The following KIF9 variants were observed in gnomAD, a reference collection of about 807,000 sequenced individuals.
KIF9 encodes the protein kinesin family member 9.
Under a neutral mutation model 94.8 loss-of-function variants are expected in KIF9, and 68 were observed. The ratio of observed to expected loss-of-function variants is 0.72; its 90% CI spans 0.59 to 0.88. KIF9 has a LOEUF of 0.88. Among genes scored for constraint, KIF9 ranks in the 40% least tolerant of loss-of-function variants. The pLI, the probability that KIF9 is intolerant of heterozygous loss-of-function variation, is 0.00. For missense variants in KIF9, 882 were observed against 982.5 expected, an observed-to-expected ratio of 0.90 and a Z score of 1.37; for synonymous variants, 343 against 362.1, an observed-to-expected ratio of 0.95 and a Z score of 0.60.
chr3:47,228,772 C>T, intron 20 of KIF9, 70 bp from the exon 21 acceptor site: 1 of 1,216,036 alleles, frequency 8.2e-7, no homozygotes, highest in Non-Finnish European at 1.2e-6. Flanking sequence ...TCAGACCAGG[C>T]CACTCACATT....
rs372157611 is a variant in KIF9, at chr3:47,247,433, C to G, written c.1173G>C (p.Gln391His). The part of the protein sequence containing the change: ...FVTYDPMDEI[Q>H]IAEINSQVRR... ...GCACCTGGGAGTTGATCTCAGCAAT[C>G]TGGATTTCATCCATGGGGTCATAGG... Residue 391 changes from glutamine (Q) to histidine (H), a missense_variant, in exon 12 of 21, where the codon CAG becomes CAC. Coordinates refer to ENST00000684063, the MANE Select transcript of KIF9 (RefSeq NM_182902.4). 1.9e-6 allele frequency: 3 copies of G among 1,613,986 alleles called. No homozygotes were observed. The highest frequency in any genetic ancestry group is 4.5e-5 in the East Asian group (2 of 44,876).
In KIF9 at chr3:47,231,404, CTTTTTTTTTTTTTT is replaced by C. The variant is rs34079988; in HGVS notation, c.2323-2716_2323-2703del. Among the ~76,000 whole-genome samples the C allele has an allele frequency of 4.7e-3, 379 of 79,804 alleles. 3 individuals carry two copies. The highest frequency in any genetic ancestry group is 0.02 in the African/African-American group (364 of 17,906). The allele number at this position is 79,804 out of a possible 152,430, so 52.4% of individuals were successfully genotyped here. A position where few individuals can be genotyped will look rare whatever the true frequency, so the allele number is the denominator to read the frequency against. On this transcript the variant is annotated intron_variant, in intron 20 of 20. Transcript: ENST00000684063. ...GAATCTCAGGCTCCATCAGTATCTA[CTTTTTTTTTTTTTT>C]TTTTTTTTTTTTTAGACAGTTTCTC...
At chr3:47,238,836 T>G (rs1699249874) in intron 17 of KIF9, among the ~76,000 whole-genome samples, 1 of 152,178 alleles carries the variant, frequency 6.6e-6, no homozygotes, top group African/African-American at 2.4e-5. Context: ...ATAATTTTTT[T>G]GTATTTTTAG....
At chr3:47,234,724 T>G (rs1357713014) in intron 20 of KIF9, among the ~76,000 whole-genome samples, 2 of 150,118 alleles carry the variant, frequency 1.3e-5, no homozygotes, top group Non-Finnish European at 3.0e-5. Context: ...CTGGCTAATT[T>G]TTTGTATTTT....
At chr3:47,245,118 C>T in intron 14 of KIF9, 194 bp from the exon 15 acceptor site, 1 of 653,764 alleles carries the variant, frequency 1.5e-6, no homozygotes, top group East Asian at 2.7e-5. Context: ...TGTCCACTTT[C>T]CACATGCACC....
At chr3:47,272,178 G>A (rs568309297) in intron 4 of KIF9, among the ~76,000 whole-genome samples, 8 of 152,180 alleles carry the variant, frequency 5.3e-5, no homozygotes, top group African/African-American at 1.9e-4. Context: ...AGTAAGGGTA[G>A]AAGTAAAGCC....
At chr3:47,233,774 A>G (rs1698794862) in intron 20 of KIF9, among the ~76,000 whole-genome samples, 1 of 151,956 alleles carries the variant, frequency 6.6e-6, no homozygotes, top group African/African-American at 2.4e-5. Flanking sequence ...TGTGTTGCTA[A>G]GTAGAAAAAG....
chr3:47,274,974 T>C (rs1701867018), intron 3 of KIF9, among the ~76,000 whole-genome samples: 1 of 152,194 alleles, frequency 6.6e-6, no homozygotes, highest in Non-Finnish European at 1.5e-5. Flanking sequence ...TACATGAAAA[T>C]AGCTCCTAGC....
chr3:47,233,100 T>A (rs1224894871), intron 20 of KIF9, among the ~76,000 whole-genome samples: 1 of 148,048 alleles, frequency 6.8e-6, no homozygotes, highest in East Asian at 2.1e-4. Flanking sequence ...GTGGCTCATA[T>A]CTGTAATCCC....
At position 47,273,673 on chromosome 3, in the gene KIF9, A is replaced by G; in HGVS notation, c.260-15T>C. On this transcript the variant is annotated splice_polypyrimidine_tract_variant and intron_variant, in intron 3 of 20. Coordinates refer to ENST00000684063, the MANE Select transcript of KIF9 (RefSeq NM_182902.4). ...CATGATGGTGCCTGCAAACATTTCA[A>G]AACACGGTGACATCCAGGAAAATAG... 3 of 1,605,556 alleles carry G rather than the reference A, an allele frequency of 1.9e-6. No individual in the cohort carries two copies. The highest frequency in any genetic ancestry group is 2.6e-6 in the Non-Finnish European group (3 of 1,173,442).
rs549850742 is a variant in KIF9, at chr3:47,267,207, T to C, written c.648A>G (p.Ser216=). The C allele has an allele frequency of 1.2e-6, 2 of 1,613,848 alleles. No homozygotes were observed. Among genetic ancestry groups the C allele is most frequent in the South Asian group, 2.2e-5 (2 of 91,064 alleles). The change falls in exon 6 of 21, where the codon TCA becomes TCG. Residue 216 remains serine (S), a synonymous_variant. Transcript: ENST00000684063. ...SHTMNKNSSR[S]HCIFTIYLEA... The stretch of plus-strand genomic sequence containing the variant: ...CTAAGTAGATGGTGAAAATGCAGTG[T>C]GATCTGGAAGAGTTTTTGTTCATAG...
At position 47,228,842 on chromosome 3, in the gene KIF9, C is replaced by T. The variant is rs779419543; in HGVS notation, c.2323-140G>A. On this transcript the variant is annotated intron_variant, in intron 20 of 20. Transcript: ENST00000684063. The stretch of plus-strand genomic sequence containing the variant: ...GTGGACAAGGATTCCTTCTGAGTAG[C>T]CCCAATTCTCTGAGAAATAACATCC... 7 of 698,962 alleles carry T rather than the reference C, an allele frequency of 1.0e-5. No individual in the cohort carries two copies. The East Asian group carries it at 1.8e-4, about 18-fold the overall frequency. The allele number at this position is 698,962 out of a possible 1,614,324, so 43.3% of individuals were successfully genotyped here.
At chr3:47,267,604 T>C (rs1553623042) in intron 5 of KIF9, among the ~76,000 whole-genome samples, 1 of 152,238 alleles carries the variant, frequency 6.6e-6, no homozygotes, top group Non-Finnish European at 1.5e-5. Flanking sequence ...CAGTGGGATA[T>C]TGGGCAGCCA....
At chr3:47,262,007 C>A (rs1397204424) in intron 9 of KIF9, among the ~76,000 whole-genome samples, 1 of 152,218 alleles carries the variant, frequency 6.6e-6, no homozygotes, top group Non-Finnish European at 1.5e-5. Context: ...CCCCAATATA[C>A]CTTTGTCCCA....
At position 47,244,864 on chromosome 3, in the gene KIF9, G is replaced by C. The variant is rs748824635; in HGVS notation, c.1441C>G (p.Leu481Val). Residue 481 changes from leucine (L) to valine (V), a missense_variant, in exon 15 of 21, where the codon CTC (leucine) becomes GTC (valine). By Grantham distance (32) the Leu-to-Val change is conservative. Coordinates refer to ENST00000684063, the MANE Select transcript of KIF9 (RefSeq NM_182902.4). ...VGEPEGQNFG[L>V]GVAPFSTKPG... ...TTGGTAGAGAAAGGGGCGACTCCGA[G>C]TCCAAAGTTTTGTCCTTCAGGCTCA... 1.2e-6 allele frequency: 2 copies of C among 1,614,190 alleles called. No homozygotes were observed. Among genetic ancestry groups the C allele is most frequent in the Non-Finnish European group, 1.7e-6 (2 of 1,180,034 alleles).
At chr3:47,244,399 A>C in intron 15 of KIF9, 1 of 167,350 alleles carries the variant, frequency 6.0e-6, no homozygotes, top group Non-Finnish European at 1.3e-5. Flanking sequence ...GGAAGACCCT[A>C]GTGAAGTGAG....
rs1699866562 is a variant in KIF9, at chr3:47,245,540, G to A, written c.1290-29C>T. 2.6e-6 allele frequency: 4 copies of A among 1,557,848 alleles called. No individual in the cohort carries two copies. The East Asian group carries it at 9.0e-5, about 35-fold the overall frequency. ...GGGAGACAGCAAGAGAGAACAGCTT[G>A]TACCTGGGGCCATGCTGAATCCACT... On this transcript the variant is annotated intron_variant, in intron 13 of 20. Coordinates refer to ENST00000684063, the MANE Select transcript of KIF9 (RefSeq NM_182902.4).
chr3:47,274,146 C>T (rs1701819075), intron 3 of KIF9, among the ~76,000 whole-genome samples: 1 of 152,188 alleles, frequency 6.6e-6, no homozygotes, highest in African/African-American at 2.4e-5. Context: ...CATTTTCTGT[C>T]AAGGGTGAGA....
At chr3:47,239,960 G>A in intron 17 of KIF9, 1 of 1,362,938 alleles carries the variant, frequency 7.3e-7, no homozygotes, top group Non-Finnish European at 9.8e-7. Flanking sequence ...GAAGAACAGT[G>A]TGGCCTCTGA....
Sources: gnomAD v4.1 joint callset for allele counts (sites outside exome capture counted in the v4.1 genomes callset) on GRCh38, gnomAD v4.1.1 for gene constraint, MANE v1.5 for transcripts, NCBI Gene and HGNC (gene_info 2026-07-23, HGNC 2026-07-21) for gene names.